The following USH2A variants were observed in gnomAD, a reference collection of about 807,000 sequenced individuals.
USH2A encodes the protein Usher syndrome 2A (autosomal recessive, mild).
USH2A carries 443 observed loss-of-function variants against 538.9 expected under a neutral mutation model. That is an observed-to-expected ratio of 0.82 (90% confidence interval 0.76 to 0.89). USH2A has a LOEUF of 0.89. USH2A is among the 40% of genes least tolerant of loss of function. The probability of loss-of-function intolerance (pLI) is 0.00; values close to 1 mark genes in which losing one functional copy is unlikely to be tolerated. For synonymous variants in USH2A, 2,413 were observed against 2,273.5 expected (o/e 1.06, Z -1.75); for missense variants, 6,633 against 6,324.8 (o/e 1.05, Z -1.65).
intron 49 of USH2A, among the ~76,000 whole-genome samples, chr1:215,812,915 AT>A (rs1431772015): frequency 6.6e-6 from 1 of 152,142 alleles, no homozygotes; most frequent in Non-Finnish European, 1.5e-5. Flanking sequence ...TTATATTCAC[AT>A]TTTAGTTCTT....
In USH2A at chr1:215,813,720, T is replaced by C; in HGVS notation, c.9739+16A>G. ...GGTTCCCATAGTTTTTGAGTACACCTGGAAATAACCCTCACCTGGTAGAAT... is the reference window on the plus strand; with the variant it reads ...GGTTCCCATAGTTTTTGAGTACACCCGGAAATAACCCTCACCTGGTAGAAT... On this transcript the variant is annotated intron_variant, in intron 49 of 71. Coordinates refer to ENST00000307340, the MANE Select transcript of USH2A (RefSeq NM_206933.4). 6.2e-7 allele frequency: 1 copy of C among 1,613,688 alleles called. No individual in the cohort carries two copies. Among genetic ancestry groups the C allele is most frequent in the South Asian group, 1.1e-5 (1 of 91,088 alleles).
rs535722931 is a variant in USH2A, at chr1:216,398,299, A to T, written c.651+20215T>A. 1.7e-3 allele frequency among the ~76,000 whole-genome samples: 263 copies of T among 152,280 alleles called. 5 individuals are homozygous for T. Among genetic ancestry groups the T allele is most frequent in the African/African-American group, 6.0e-3 (249 of 41,562 alleles). ...TTTGCGAAGTAGGTAGAAGAAAAAA[A>T]ATTAGGAATCTGAGGACTTGAGGAA... On this transcript the variant is annotated intron_variant, in intron 3 of 71. Coordinates refer to ENST00000307340, the MANE Select transcript of USH2A (RefSeq NM_206933.4).
chr1:216,320,378 T>C (rs1188565511), intron 9 of USH2A, among the ~76,000 whole-genome samples: 1 of 152,164 alleles, frequency 6.6e-6, no homozygotes, highest in African/African-American at 2.4e-5. Context: ...CTCTTTTCTT[T>C]ATATTTACCT....
chr1:215,902,787 T>C (rs981606970), intron 38 of USH2A, among the ~76,000 whole-genome samples: 2 of 152,102 alleles, frequency 1.3e-5, no homozygotes, highest in Non-Finnish European at 2.9e-5. Flanking sequence ...GAGATAGCAG[T>C]ACATTCAAAG....
At chr1:215,920,520 G>GTGCCAGCT (rs537329308) in intron 38 of USH2A, among the ~76,000 whole-genome samples, 35 of 152,022 alleles carry the variant, frequency 2.3e-4, no homozygotes, top group Non-Finnish European at 4.4e-4. Context: ...GCTACCTAAT[G>GTGCCAGCT]TGCCAGCTAA....
rs142371807 is a variant in USH2A at position 216,103,496 on chromosome 1, A to G, written c.4628-6283T>C. On this transcript the variant is annotated intron_variant, in intron 21 of 71. Transcript: ENST00000307340. ...AGTAATAGCCATACAAAGCTATTGTAAGAACAAAAAGAAATCAAGAACTAA... is the reference window on the plus strand; with the variant it reads ...AGTAATAGCCATACAAAGCTATTGTGAGAACAAAAAGAAATCAAGAACTAA... Among the ~76,000 whole-genome samples the G allele has an allele frequency of 5.3e-5, 8 of 152,336 alleles. No individual in the cohort carries two copies. In the East Asian group the frequency reaches 1.2e-3, roughly 22 times the overall value.
At chr1:215,986,310 C>CTTTTTTTTTTTTTT (rs34962559) in intron 35 of USH2A, among the ~76,000 whole-genome samples, 2 of 131,422 alleles carry the variant, frequency 1.5e-5, no homozygotes, top group Non-Finnish European at 1.6e-5. Flanking sequence ...TTTTCTTTTT[C>CTTTTTTTTTTTTTT]TTTTTTTTTT....
chr1:216,147,449 C>T (rs1175200945), intron 21 of USH2A, among the ~76,000 whole-genome samples: 5 of 151,942 alleles, frequency 3.3e-5, no homozygotes, highest in Admixed American at 6.6e-5. Context: ...AATCAGATAG[C>T]GTTTAGGCTG....
chr1:215,758,691 C>A lies in USH2A; in HGVS notation c.11293G>T (p.Val3765Phe). Reference protein sequence around the residue: ...GGSSASDDYIVQTPMSTPEEI... With the variant: ...GGSSASDDYIFQTPMSTPEEI... Reference sequence around the variant, plus strand: ...TCTGGTGTTGACATAGGTGTTTGAACAATGTAATCATCACTAGCACTGCTG... The same window carrying A: ...TCTGGTGTTGACATAGGTGTTTGAAAAATGTAATCATCACTAGCACTGCTG... The change falls in exon 58 of 72, where the codon GTT becomes TTT. Residue 3765 changes from valine to phenylalanine, a missense_variant. Transcript: ENST00000307340. 6.2e-7 allele frequency: 1 copy of A among 1,613,780 alleles called. No homozygotes were observed. The highest frequency in any genetic ancestry group is 8.5e-7 in the Non-Finnish European group (1 of 1,179,918).
At chr1:216,375,138 G>A (rs2669051) in intron 3 of USH2A, among the ~76,000 whole-genome samples, 95,893 of 151,860 alleles carry the variant, frequency 0.63, 31,553 homozygotes, top group East Asian at 0.84. Context: ...CAATATGGGG[G>A]TTAGGGCACC....
chr1:215,743,216 A>C lies in USH2A; in HGVS notation c.11509T>G (p.Phe3837Val). The change falls in exon 59 of 72, where the codon TTC (phenylalanine) becomes GTC (valine). Residue 3837 changes from phenylalanine to valine, a missense_variant. Physicochemically the swap from Phe to Val is conservative, Grantham distance 50. Transcript: ENST00000307340. ...QSTLLENLTP[F>V]TQYEIRIQAC... ...TGTATCCTTATCTCATACTGTGTGA[A>C]TGGAGTCAAATTTTCCAGAAGGGTG... The C allele has an allele frequency of 1.2e-6, 2 of 1,612,368 alleles. No individual in the cohort carries two copies. The highest frequency in any genetic ancestry group is 1.7e-6 in the Non-Finnish European group (2 of 1,179,358).
chr1:215,741,538 C>T lies in USH2A; in HGVS notation c.11549-1G>A, dbSNP rs878853407. 1.4e-5 allele frequency: 22 copies of T among 1,601,288 alleles called. No homozygotes were observed. The highest frequency in any genetic ancestry group is 1.9e-5 in the Non-Finnish European group (22 of 1,176,316). On this transcript the variant is annotated splice_acceptor_variant, in intron 59 of 71. Coordinates refer to ENST00000307340, the MANE Select transcript of USH2A (RefSeq NM_206933.4). LOFTEE classifies it high-confidence loss of function. ...ATCCTACTGCTAACTCCACAACTTCCTTGAAAAAAAAAAAATTGAGGTCTT... is the reference window on the plus strand; with the variant it reads ...ATCCTACTGCTAACTCCACAACTTCTTTGAAAAAAAAAAAATTGAGGTCTT...
intron 19 of USH2A, among the ~76,000 whole-genome samples, chr1:216,192,872 T>C (rs1212313407): frequency 6.6e-6 from 1 of 152,118 alleles, no homozygotes; most frequent in Non-Finnish European, 1.5e-5. Context: ...ACACCATTAA[T>C]AATAATCACT....
chr1:216,063,761 T>G (rs2031259981), intron 30 of USH2A, among the ~76,000 whole-genome samples: 1 of 152,194 alleles, frequency 6.6e-6, no homozygotes. Context: ...GTCATTGGAA[T>G]TTTTTGTAAA....
In USH2A at chr1:216,078,167, C is replaced by T. The variant is rs777952975; in HGVS notation, c.5494G>A (p.Val1832Met). The T allele has an allele frequency of 6.2e-7, 1 of 1,613,772 alleles. No homozygotes were observed. Among genetic ancestry groups the T allele is most frequent in the East Asian group, 2.2e-5 (1 of 44,854 alleles). Residue 1832 changes from valine to methionine, a missense_variant, in exon 27 of 72, where the codon GTG becomes ATG. Val to Met is a conservative substitution (Grantham distance 21). Coordinates refer to ENST00000307340, the MANE Select transcript of USH2A (RefSeq NM_206933.4). ...CCCACATAAACTGGTGAATTCACCA[C>T]CAGTGGCTGGTCTCCGGACTCCGAT... ...HASESGDQPL[V>M]VNSPVYVGGI...
intron 22 of USH2A, among the ~76,000 whole-genome samples, chr1:216,094,149 G>C (rs1438640378): frequency 6.6e-6 from 1 of 152,038 alleles, no homozygotes; most frequent in Admixed American, 6.6e-5. Context: ...CTTTCTCATT[G>C]ACAGTCTTCT....
chr1:215,790,353 T>G, intron 50 of USH2A, 71 bp from the exon 51 acceptor site: 2 of 1,563,450 alleles, frequency 1.3e-6, no homozygotes, highest in Non-Finnish European at 1.7e-6. Context: ...GCTATAAAGT[T>G]TGGTATAAAA....
intron 32 of USH2A, among the ~76,000 whole-genome samples, chr1:216,004,581 A>G (rs942084405): frequency 6.6e-6 from 1 of 152,222 alleles, no homozygotes; most frequent in Non-Finnish European, 1.5e-5. Context: ...AGGAAATAGA[A>G]GAGGAATTAG....
chr1:216,129,615 TA>T (rs2102601162), intron 21 of USH2A, among the ~76,000 whole-genome samples: 1 of 152,128 alleles, frequency 6.6e-6, no homozygotes, highest in Admixed American at 6.6e-5. Context: ...CAGTAACTGC[TA>T]AAATGTCCAT....
Sources: gnomAD v4.1 joint callset for allele counts (sites outside exome capture counted in the v4.1 genomes callset) on GRCh38, gnomAD v4.1.1 for gene constraint, MANE v1.5 for transcripts, NCBI Gene and HGNC (gene_info 2026-07-23, HGNC 2026-07-21) for gene names.